The following ACCSL variants were observed in gnomAD, a reference collection of about 807,000 sequenced individuals.
The protein encoded by ACCSL is probable inactive 1-aminocyclopropane-1-carboxylate synthase-like protein 2.
A neutral mutation model predicts 61.7 loss-of-function variants in ACCSL; 55 were observed. The ratio of observed to expected loss-of-function variants is 0.89; its 90% CI spans 0.72 to 1.12. ACCSL has a LOEUF of 1.12. Ranked by LOEUF, ACCSL falls within the 50% of genes most tolerant of loss-of-function variation. The pLI, the probability that ACCSL is intolerant of heterozygous loss-of-function variation, is 0.00. For synonymous variants in ACCSL, 258 were observed against 264.3 expected (o/e 0.98, Z 0.23); for missense variants, 632 against 698.0 (o/e 0.91, Z 1.07).
At chr11:43,992,405 C>T in the ACCSL span, among the ~76,000 whole-genome samples, 1 of 152,172 alleles carries the variant, frequency 6.6e-6, no homozygotes, top group Non-Finnish European at 1.5e-5. Flanking sequence ...TCTTTCCAGC[C>T]TCTCACACAG....
chr11:43,943,372 C>T, the ACCSL span: 1 of 1,390,178 alleles, frequency 7.2e-7, no homozygotes, highest in Non-Finnish European at 9.3e-7. This position sits in a 1 kb window ranked among gnomAD's most constrained non-coding sequence, Gnocchi z 4.8. Flanking sequence ...GGGGGACCCG[C>T]AAGGACCCGG....
At chr11:43,996,189 G>A in the ACCSL span, among the ~76,000 whole-genome samples, 14 of 152,222 alleles carry the variant, frequency 9.2e-5, no homozygotes, top group Non-Finnish European at 1.6e-4. Flanking sequence ...ATTTCCAGCC[G>A]CTAGAACTGT....
At chr11:43,961,595 A>G in the ACCSL span, among the ~76,000 whole-genome samples, 1 of 152,194 alleles carries the variant, frequency 6.6e-6, no homozygotes, top group African/African-American at 2.4e-5. Context: ...GACACAGCCC[A>G]CAGAGGTGGA....
the ACCSL span, among the ~76,000 whole-genome samples, chr11:43,947,426 G>A: frequency 6.6e-6 from 1 of 152,190 alleles, no homozygotes; most frequent in Non-Finnish European, 1.5e-5. Context: ...TCCTCCCTGT[G>A]CTCACAGGCA....
At chr11:44,003,606 A>G in the ACCSL span, among the ~76,000 whole-genome samples, 3 of 151,368 alleles carry the variant, frequency 2.0e-5, no homozygotes, top group Non-Finnish European at 4.4e-5. Flanking sequence ...TCGCGCCACT[A>G]CACTCCAGTC....
At chr11:44,057,997 ACC>A (rs1209799552) in intron 11 of ACCSL, among the ~76,000 whole-genome samples, 5 of 152,174 alleles carry the variant, frequency 3.3e-5, no homozygotes, top group Non-Finnish European at 7.3e-5. Context: ...ACATGGTGAA[ACC>A]CCATCTCTAC....
chr11:43,965,924 T>C, the ACCSL span, among the ~76,000 whole-genome samples: 1 of 152,160 alleles, frequency 6.6e-6, no homozygotes, highest in Non-Finnish European at 1.5e-5. Flanking sequence ...GTCTATGGTG[T>C]GGGCCTTGCC....
At chr11:43,998,562 C>A in the ACCSL span, among the ~76,000 whole-genome samples, 1 of 152,140 alleles carries the variant, frequency 6.6e-6, no homozygotes. Flanking sequence ...GGCCAGGCAC[C>A]AACCAGATCC....
chr11:44,044,654 G>T (rs1406734017), upstream of ACCSL, among the ~76,000 whole-genome samples: 3 of 152,126 alleles, frequency 2.0e-5, no homozygotes, highest in African/African-American at 7.2e-5. Context: ...AAGGCTGGAA[G>T]AGTTATAAGG....
the ACCSL span, among the ~76,000 whole-genome samples, chr11:43,987,010 C>T: frequency 6.6e-6 from 1 of 152,154 alleles, no homozygotes; most frequent in African/African-American, 2.4e-5. Flanking sequence ...GCAATTCCCC[C>T]ACTCCAAGTA....
At chr11:43,922,723 C>G in the ACCSL span, among the ~76,000 whole-genome samples, 7 of 152,136 alleles carry the variant, frequency 4.6e-5, no homozygotes, top group Non-Finnish European at 1.0e-4. Context: ...TAAGTTTTCC[C>G]CGGTGGTCCT....
chr11:44,046,622 C>T (rs1952599023), upstream of ACCSL, among the ~76,000 whole-genome samples: 1 of 152,046 alleles, frequency 6.6e-6, no homozygotes, highest in Non-Finnish European at 1.5e-5. Flanking sequence ...CTCTGAAGTA[C>T]TGGTGCCCTA....
the ACCSL span, among the ~76,000 whole-genome samples, chr11:43,972,899 T>A: frequency 1.3e-5 from 2 of 152,124 alleles, no homozygotes; most frequent in African/African-American, 4.8e-5. Context: ...TCCTAGCACT[T>A]TGGGAGGCCG....
At chr11:43,947,135 G>A in the ACCSL span, 1 of 152,248 alleles carries the variant, frequency 6.6e-6, no homozygotes, top group Non-Finnish European at 1.5e-5. Context: ...GGAAGGTGGA[G>A]GGGGAGCAGG....
chr11:43,967,698 C>T, the ACCSL span, among the ~76,000 whole-genome samples: 1 of 152,020 alleles, frequency 6.6e-6, no homozygotes, highest in Admixed American at 6.5e-5. Context: ...TTTTACTGAC[C>T]TTTACCACAC....
the ACCSL span, among the ~76,000 whole-genome samples, chr11:43,979,867 A>C: frequency 2.6e-5 from 3 of 117,468 alleles, no homozygotes; most frequent in South Asian, 7.4e-4. Context: ...AAAAAAAAAG[A>C]AAAGAAAAAA....
chr11:44,018,733 C>G, the ACCSL span, among the ~76,000 whole-genome samples: 1 of 152,092 alleles, frequency 6.6e-6, no homozygotes. Flanking sequence ...ATTGGGAGGC[C>G]AAGGTAGGAG....
chr11:44,020,756 A>G, the ACCSL span, among the ~76,000 whole-genome samples: 1 of 152,158 alleles, frequency 6.6e-6, no homozygotes, highest in Non-Finnish European at 1.5e-5. Context: ...TTACCCATGC[A>G]TAGTCTTTTA....
chr11:43,940,394 T>TG, the ACCSL span, among the ~76,000 whole-genome samples: 1 of 151,816 alleles, frequency 6.6e-6, no homozygotes. Context: ...CTTGCTCCAT[T>TG]GCCCAGGCTG....
Sources: allele counts gnomAD v4.1 joint callset (sites outside exome capture counted in the v4.1 genomes callset), GRCh38; gene constraint gnomAD v4.1.1; non-coding constraint Gnocchi (gnomAD v3.1); transcripts MANE v1.5; gene names NCBI Gene and HGNC (gene_info 2026-07-23, HGNC 2026-07-21).